The following NFIC variants were observed in gnomAD, a reference collection of about 807,000 sequenced individuals.
NFIC encodes the protein nuclear factor 1 C-type.
In NFIC, 12 loss-of-function variants were observed where a neutral mutation model predicts 54.4. The observed-to-expected ratio is 0.22, with a 90% CI of 0.14 to 0.36. The LOEUF is 0.36. Ranked by LOEUF, NFIC falls within the 10% of genes least tolerant of loss-of-function variation. The pLI is 1.00. For synonymous variants in NFIC, 322 were observed against 319.2 expected, an observed-to-expected ratio of 1.01 and a Z score of -0.09; for missense variants, 575 against 718.2, an observed-to-expected ratio of 0.80 and a Z score of 2.28.
At chr19:3,377,822 A>G (rs1205367390) in intron 1 of NFIC, among the ~76,000 whole-genome samples, 1 of 152,004 alleles carries the variant, frequency 6.6e-6, no homozygotes, top group African/African-American at 2.4e-5. Context: ...GGGTTTCGAC[A>G]TGTTGGTCAG....
At chr19:3,361,750 G>A (rs1400553198), upstream of NFIC, among the ~76,000 whole-genome samples, 2 of 152,004 alleles carry the variant, frequency 1.3e-5, no homozygotes, top group Non-Finnish European at 2.9e-5. Context: ...ACTCCCGGAG[G>A]GACGGTTGGA....
chr19:3,379,854 T>G (rs1368295244), intron 1 of NFIC, among the ~76,000 whole-genome samples: 1 of 151,038 alleles, frequency 6.6e-6, no homozygotes, highest in Non-Finnish European at 1.5e-5. Flanking sequence ...CTAGCTAAGT[T>G]TTGATTTTGT....
chr19:3,425,066 TC>T, intron 2 of NFIC, 39 bp from the exon 3 acceptor site: 1 of 1,606,860 alleles, frequency 6.2e-7, no homozygotes, highest in Non-Finnish European at 8.5e-7. Flanking sequence ...TGGGGTGGGG[TC>T]TCTGTGATGC....
At chr19:3,436,088 A>G (rs2082197650) in intron 6 of NFIC, among the ~76,000 whole-genome samples, 1 of 150,178 alleles carries the variant, frequency 6.7e-6, no homozygotes, top group Non-Finnish European at 1.5e-5. Context: ...TCGGCCTCCC[A>G]AAGTTCTGGG....
At chr19:3,400,629 T>G (rs2081540494) in intron 2 of NFIC, among the ~76,000 whole-genome samples, 1 of 152,010 alleles carries the variant, frequency 6.6e-6, no homozygotes, top group Non-Finnish European at 1.5e-5. Flanking sequence ...TCACCTGAGG[T>G]CAGGAGTTCA....
rs779806423 is a variant in NFIC at position 3,453,760 on chromosome 19, C to T, written c.1270-3C>T. Reference sequence around the variant, plus strand: ...TTAACCACGTGTCTCTCTGTTCCCCCAGTTAAATGGAAGTGGTCAGCTCAA... The same window carrying T: ...TTAACCACGTGTCTCTCTGTTCCCCTAGTTAAATGGAAGTGGTCAGCTCAA... On this transcript the variant is annotated splice_polypyrimidine_tract_variant and splice_region_variant and intron_variant, in intron 8 of 10. Transcript: ENST00000443272. This position sits in a 1 kb window ranked among gnomAD's most constrained non-coding sequence, Gnocchi z 6.7. 40 of 1,600,004 alleles carry T rather than the reference C, an allele frequency of 2.5e-5. No homozygotes were observed. The highest frequency in any genetic ancestry group is 4.1e-5 in the African/African-American group (3 of 73,612).
At chr19:3,392,225 C>A (rs1484039702) in intron 2 of NFIC, among the ~76,000 whole-genome samples, 1 of 152,022 alleles carries the variant, frequency 6.6e-6, no homozygotes, top group Non-Finnish European at 1.5e-5. Flanking sequence ...GCTCATGTCA[C>A]CACACCCGGC....
At chr19:3,440,336 T>C (rs62130566) in intron 6 of NFIC, among the ~76,000 whole-genome samples, 44,440 of 151,826 alleles carry the variant, frequency 0.29, 7,713 homozygotes, top group East Asian at 0.75. Flanking sequence ...AAATGTCTCT[T>C]GCGGGCAGAA....
chr19:3,378,281 A>AT (rs2081142432), intron 1 of NFIC, among the ~76,000 whole-genome samples: 2 of 149,594 alleles, frequency 1.3e-5, no homozygotes, highest in African/African-American at 4.9e-5. Flanking sequence ...AAAAAAAAAA[A>AT]GGAGATGGGG....
chr19:3,372,650 A>C (rs2081039917), intron 1 of NFIC, among the ~76,000 whole-genome samples: 1 of 147,790 alleles, frequency 6.8e-6, no homozygotes, highest in African/African-American at 2.5e-5. Context: ...TGCACGGTGC[A>C]GACCAGGTGT....
rs2082675966 is a variant in NFIC at position 3,463,734 on chromosome 19, G to A, written c.*965G>A. On this transcript the variant is annotated 3_prime_UTR_variant, in exon 11 of 11. Transcript: ENST00000443272. Reference sequence around the variant, plus strand: ...GTAAGAAATGCACTTTCCGAGGAAGGGGATGGGGGAGCCCGGACACCCAGA... The same window carrying A: ...GTAAGAAATGCACTTTCCGAGGAAGAGGATGGGGGAGCCCGGACACCCAGA... 1 of 985,084 alleles carries A rather than the reference G, an allele frequency of 1.0e-6. No homozygotes were observed. Among genetic ancestry groups the A allele is most frequent in the Non-Finnish European group, 1.2e-6 (1 of 829,884 alleles). The allele number at this position is 985,084 out of a possible 1,614,324, so 61.0% of individuals were successfully genotyped here. A position where few individuals can be genotyped will look rare whatever the true frequency, so the allele number is the denominator to read the frequency against.
At chr19:3,431,360 C>CT (rs71164702) in intron 3 of NFIC, among the ~76,000 whole-genome samples, 1,404 of 84,166 alleles carry the variant, frequency 0.017, 57 homozygotes, top group African/African-American at 0.03. Context: ...TTTCCTTCTT[C>CT]TTTTTTTTTT....
chr19:3,403,885 C>G (rs1394373844), intron 2 of NFIC, among the ~76,000 whole-genome samples: 1 of 151,948 alleles, frequency 6.6e-6, no homozygotes, highest in Non-Finnish European at 1.5e-5. Context: ...AGAGTGTCCT[C>G]GGGCGCTTCC....
At chr19:3,368,068 G>T (rs916489347) in intron 1 of NFIC, among the ~76,000 whole-genome samples, 284 of 31,710 alleles carry the variant, frequency 9.0e-3, no homozygotes, top group Admixed American at 0.018. Context: ...AGCAGCTTTG[G>T]GGGGGGGGTT....
chr19:3,409,373 C>T (rs777994928), intron 2 of NFIC, among the ~76,000 whole-genome samples: 11 of 152,184 alleles, frequency 7.2e-5, no homozygotes, highest in Admixed American at 4.6e-4. Context: ...CTCCCTCCAA[C>T]GCCGCCCCCA....
Position 3,467,788 on chromosome 19 carries a change from T to TATATACATATATATATATATATATATAA in NFIC, c.*5020_*5021insTATACATATATATATATATATATATAAA, listed in dbSNP as rs566623409. 21 of 136,798 alleles carry TATATACATATATATATATATATATATAA rather than the reference T, an allele frequency of 1.5e-4. 1 individual carries two copies. The East Asian group carries it at 4.8e-3, about 31-fold the overall frequency. The allele number at this position is 136,798 out of a possible 1,614,324, so 8.5% of individuals were successfully genotyped here. A position where few individuals can be genotyped will look rare whatever the true frequency, so the allele number is the denominator to read the frequency against. ...ATATATATATATATATATATATATATAATTTTGGAATTTGTTTCTCATAAT... is the reference window on the plus strand; with the variant it reads ...ATATATATATATATATATATATATATATATACATATATATATATATATATATAAAATTTTGGAATTTGTTTCTCATAAT... On this transcript the variant is annotated 3_prime_UTR_variant, in exon 11 of 11. Coordinates refer to ENST00000443272, the MANE Select transcript of NFIC (RefSeq NM_001245002.2).
intron 1 of NFIC, among the ~76,000 whole-genome samples, chr19:3,372,957 G>A (rs550387031): frequency 2.0e-5 from 3 of 151,980 alleles, no homozygotes; most frequent in African/African-American, 7.2e-5. Flanking sequence ...CGATTTTCCC[G>A]CCTCAGCTTC....
chr19:3,405,437 G>A (rs575231492), intron 2 of NFIC, among the ~76,000 whole-genome samples: 57 of 152,292 alleles, frequency 3.7e-4, no homozygotes, highest in African/African-American at 1.3e-3. Flanking sequence ...GTCAGGATGT[G>A]GAGGCTCAGA....
intron 6 of NFIC, among the ~76,000 whole-genome samples, chr19:3,438,516 C>T (rs2082241998): frequency 6.7e-6 from 1 of 150,054 alleles, no homozygotes; most frequent in African/African-American, 2.5e-5. Context: ...CAGCTCACTG[C>T]AAGCTCCGCT....
Sources: gnomAD v4.1 joint callset for allele counts (sites outside exome capture counted in the v4.1 genomes callset) on GRCh38, gnomAD v4.1.1 for gene constraint, Gnocchi (gnomAD v3.1) non-coding constraint, MANE v1.5 for transcripts, NCBI Gene and HGNC (gene_info 2026-07-23, HGNC 2026-07-21) for gene names.